Variants in ARHGAP29 observed in about 807,000 individuals in gnomAD.
ARHGAP29 encodes the protein Rho GTPase activating protein 29, also known as rho GTPase-activating protein 29.
In ARHGAP29, 43 loss-of-function variants were observed where a neutral mutation model predicts 122.6. The ratio of observed to expected loss-of-function variants is 0.35; its 90% CI spans 0.27 to 0.45. The LOEUF is 0.45. ARHGAP29 is among the 20% of genes least tolerant of loss of function. The pLI, the probability that ARHGAP29 is intolerant of heterozygous loss-of-function variation, is 1.00. For synonymous variants in ARHGAP29, 506 were observed against 497.1 expected (o/e 1.02, Z -0.24); for missense variants, 1,303 against 1,477.2 (o/e 0.88, Z 1.93).
chr1:94,209,064 TG>T (rs1201406280), intron 4 of ARHGAP29, among the ~76,000 whole-genome samples, 160 bp from the exon 5 acceptor site: 3 of 152,178 alleles, frequency 2.0e-5, no homozygotes, highest in African/African-American at 7.2e-5. Flanking sequence ...TGCAAATGGA[TG>T]TTGCTTCTAA....
chr1:94,285,570 A>G, the ARHGAP29 span, among the ~76,000 whole-genome samples: 1 of 152,174 alleles, frequency 6.6e-6, no homozygotes, highest in East Asian at 1.9e-4. Context: ...TTGCACATGA[A>G]GAAGGAGAGG....
Position 94,201,750 on chromosome 1 carries a change from A to T in ARHGAP29, c.1251T>A (p.Leu417=). 6.2e-7 allele frequency: 1 copy of T among 1,613,922 alleles called. No homozygotes were observed. Among genetic ancestry groups the T allele is most frequent in the Non-Finnish European group, 8.5e-7 (1 of 1,179,958 alleles). ...KREILAQLRT[L]VFQCDLTLKA... ...TAAGGGTAAGATCACACTGGAAAAC[A>T]AGTGTCCGGAGTTGTGCTAAAATTT... is the stretch of plus-strand genomic sequence containing the variant. Residue 417 remains leucine, a synonymous_variant, in exon 12 of 23, where the codon CTT becomes CTA. Coordinates refer to ENST00000260526, the MANE Select transcript of ARHGAP29 (RefSeq NM_004815.4).
chr1:94,184,743 G>T, intron 18 of ARHGAP29, 129 bp downstream of exon 18: 1 of 760,430 alleles, frequency 1.3e-6, no homozygotes, highest in Non-Finnish European at 2.0e-6. Context: ...AACAGAGTGA[G>T]ACCGTGTCTC....
chr1:94,305,247 G>A, the ARHGAP29 span, among the ~76,000 whole-genome samples: 1 of 152,188 alleles, frequency 6.6e-6, no homozygotes, highest in Non-Finnish European at 1.5e-5. Context: ...CAAAGCCACG[G>A]TGCTGGAAAT....
At chr1:94,199,693 C>T (rs2065232) in intron 12 of ARHGAP29, among the ~76,000 whole-genome samples, 145,445 of 152,274 alleles carry the variant, frequency 0.96, 69,838 homozygotes, top group East Asian at 1. Flanking sequence ...TGGAAATTCA[C>T]ACTAGCCAAT....
intron 3 of ARHGAP29, among the ~76,000 whole-genome samples, chr1:94,217,337 T>C (rs941789192): frequency 2.6e-5 from 4 of 151,418 alleles, no homozygotes; most frequent in African/African-American, 7.3e-5. Context: ...AGTTTGAGAC[T>C]TGTCTGGCCA....
At chr1:94,252,562 A>G (rs1268056385) in intron 1 of ARHGAP29, among the ~76,000 whole-genome samples, 1 of 152,120 alleles carries the variant, frequency 6.6e-6, no homozygotes, top group Admixed American at 6.6e-5. Flanking sequence ...CAGCAGCCTG[A>G]CCCTGCCCAT....
chr1:94,248,195 AC>A (rs1030593625), intron 1 of ARHGAP29: 4 of 152,122 alleles, frequency 2.6e-5, no homozygotes, highest in African/African-American at 9.7e-5. Flanking sequence ...ACTGATTGTC[AC>A]TTTCAGCAAA....
At chr1:94,176,047 A>G (rs1331844400) in intron 22 of ARHGAP29, among the ~76,000 whole-genome samples, 1 of 152,130 alleles carries the variant, frequency 6.6e-6, no homozygotes, top group East Asian at 1.9e-4. Flanking sequence ...ACACATTTAT[A>G]GAGCATTCTA....
chr1:94,195,160 G>A (rs1254555751), intron 12 of ARHGAP29: 1 of 152,184 alleles, frequency 6.6e-6, no homozygotes, highest in East Asian at 1.9e-4. Context: ...ATTAGAACGA[G>A]AAGGGAAGGG....
the ARHGAP29 span, among the ~76,000 whole-genome samples, chr1:94,287,159 C>CT: frequency 6.6e-6 from 1 of 152,152 alleles, no homozygotes; most frequent in Non-Finnish European, 1.5e-5. Context: ...CAAGTAAACA[C>CT]TTTCGTTTAC....
At chr1:94,257,117 G>A (rs1370863237) in intron 1 of ARHGAP29, among the ~76,000 whole-genome samples, 1 of 151,974 alleles carries the variant, frequency 6.6e-6, no homozygotes, top group African/African-American at 2.4e-5. Context: ...CAAGAATCTT[G>A]GCTGGGCCGG....
chr1:94,287,494 T>G, the ARHGAP29 span, among the ~76,000 whole-genome samples: 13 of 151,838 alleles, frequency 8.6e-5, no homozygotes, highest in Admixed American at 2.6e-4. Context: ...TAAACCTCTT[T>G]TACTATTATT....
At position 94,203,971 on chromosome 1, in the gene ARHGAP29, C is replaced by A. The variant is rs1651028448; in HGVS notation, c.721G>T (p.Val241Phe). The A allele has an allele frequency of 6.2e-7, 1 of 1,613,762 alleles. No homozygotes were observed. Among genetic ancestry groups the A allele is most frequent in the South Asian group, 1.1e-5 (1 of 91,054 alleles). ...GTTCTAGTTGCCTCTGCCAACTTGA[C>A]CATATTTCTAGTGGACTCCAATTCT... is the stretch of plus-strand genomic sequence containing the variant. ...NLELESTRNM[V>F]KLAEATRTNI... The change falls in exon 8 of 23, where the codon GTC (valine) becomes TTC (phenylalanine). Residue 241 changes from valine (V) to phenylalanine (F), a missense_variant. Physicochemically the swap from Val to Phe is conservative, Grantham distance 50 (BLOSUM62 -1). Coordinates refer to ENST00000260526, the MANE Select transcript of ARHGAP29 (RefSeq NM_004815.4).
At chr1:94,199,688 A>T (rs1650713361) in intron 12 of ARHGAP29, among the ~76,000 whole-genome samples, 1 of 152,188 alleles carries the variant, frequency 6.6e-6, no homozygotes. Context: ...GTCCATGGAA[A>T]TTCACACTAG....
intron 1 of ARHGAP29, among the ~76,000 whole-genome samples, chr1:94,274,742 T>C (rs754300133): frequency 6.6e-6 from 1 of 152,150 alleles, no homozygotes; most frequent in Non-Finnish European, 1.5e-5. Context: ...CTTTGCCAAC[T>C]CTCTGCTCCC....
intron 1 of ARHGAP29, among the ~76,000 whole-genome samples, chr1:94,244,949 C>T (rs1653733242): frequency 6.6e-6 from 1 of 152,094 alleles, no homozygotes; most frequent in Non-Finnish European, 1.5e-5. Context: ...TGAACATATG[C>T]TGCACAAAAG....
the ARHGAP29 span, among the ~76,000 whole-genome samples, chr1:94,306,742 C>T: frequency 1.3e-5 from 2 of 152,170 alleles, no homozygotes; most frequent in Non-Finnish European, 2.9e-5. Context: ...CCTGGGAACA[C>T]ATTTGAGAAT....
intron 19 of ARHGAP29, among the ~76,000 whole-genome samples, chr1:94,181,134 G>A (rs1254425287): frequency 6.6e-6 from 1 of 152,176 alleles, no homozygotes; most frequent in Admixed American, 6.5e-5. Flanking sequence ...AAGAGTTGAA[G>A]AGCAAATGAA....
Sources: gnomAD v4.1 joint callset for allele counts (sites outside exome capture counted in the v4.1 genomes callset) on GRCh38, gnomAD v4.1.1 for gene constraint, MANE v1.5 for transcripts, NCBI Gene and HGNC (gene_info 2026-07-23, HGNC 2026-07-21) for gene names.